FAM89A: variants seen among roughly 807,000 people sequenced by gnomAD.
The protein encoded by FAM89A is family with sequence similarity 89 member A, also known as protein FAM89A.
FAM89A carries 10 observed loss-of-function variants against 7.1 expected under a neutral mutation model. The observed-to-expected ratio is 1.40, with a 90% CI of 0.86 to 2.38. FAM89A has a LOEUF of 2.38. Among genes scored for constraint, FAM89A ranks in the 30% most tolerant of loss-of-function variants. FAM89A has a pLI of 0.00. For synonymous variants in FAM89A, 157 were observed against 129.3 expected, an observed-to-expected ratio of 1.21 and a Z score of -1.45; for missense variants, 276 against 262.8, an observed-to-expected ratio of 1.05 and a Z score of -0.35.
intron 1 of FAM89A, among the ~76,000 whole-genome samples, chr1:231,021,031 C>T (rs1030421412): frequency 1.3e-5 from 2 of 152,106 alleles, no homozygotes; most frequent in Admixed American, 6.6e-5. Flanking sequence ...GAGAACCACC[C>T]GGGGATCTTG....
intron 1 of FAM89A, among the ~76,000 whole-genome samples, chr1:231,036,600 C>T (rs529887198): frequency 6.6e-6 from 1 of 152,034 alleles, no homozygotes; most frequent in East Asian, 1.9e-4. Context: ...GCTGAAACCA[C>T]AACTCTCCAA....
At chr1:231,028,886 G>T (rs765880889) in intron 1 of FAM89A, among the ~76,000 whole-genome samples, 2 of 152,114 alleles carry the variant, frequency 1.3e-5, no homozygotes, top group Non-Finnish European at 2.9e-5. Context: ...CCCAACAATG[G>T]GGCCAAACAA....
intron 1 of FAM89A, among the ~76,000 whole-genome samples, chr1:231,022,434 A>C (rs1219992625): frequency 1.3e-5 from 2 of 152,214 alleles, no homozygotes; most frequent in Non-Finnish European, 2.9e-5. Flanking sequence ...AGTCAGGCAC[A>C]CTGGGAATCG....
chr1:231,020,904 C>G (rs148717879), intron 1 of FAM89A, among the ~76,000 whole-genome samples: 1 of 152,186 alleles, frequency 6.6e-6, no homozygotes, highest in Non-Finnish European at 1.5e-5. Context: ...GAAAAGAGCA[C>G]GGTCACAGTC....
In FAM89A at chr1:231,025,798, T is replaced by G. The variant is rs368707196; in HGVS notation, c.292-5672A>C. 3.3e-5 allele frequency among the ~76,000 whole-genome samples: 5 copies of G among 152,104 alleles called. No individual in the cohort carries two copies. In the East Asian group the frequency reaches 9.7e-4, roughly 29 times the overall value. ...AAAGTCAGTCAGTTTAGGAATTTTC[T>G]ATTGAAAAAATAAATAAATAATACA... On this transcript the variant is annotated intron_variant, in intron 1 of 1. Coordinates refer to ENST00000366654, the MANE Select transcript of FAM89A (RefSeq NM_198552.3).
At chr1:231,023,501 C>T (rs1679915023) in intron 1 of FAM89A, among the ~76,000 whole-genome samples, 2 of 152,204 alleles carry the variant, frequency 1.3e-5, no homozygotes, top group Non-Finnish European at 2.9e-5. Context: ...ACAGCCTTTT[C>T]GTGTGAAACA....
At position 231,040,073 on chromosome 1, in the gene FAM89A, A is replaced by G. The variant is rs1370361554; in HGVS notation, c.139T>C (p.Trp47Arg). Residue 47 changes from tryptophan to arginine, a missense_variant, in exon 1 of 2, where the codon TGG (tryptophan) becomes CGG (arginine). Physicochemically the swap from Trp to Arg is moderately radical, Grantham distance 101. Transcript: ENST00000366654. ...SASGGGASGG[W>R]RHLERLYAQK... ...GCGTACAGCCGCTCCAGGTGCCGCC[A>G]GCCCCCAGACGCGCCGCCGCCCGAC... 4 of 1,445,862 alleles carry G rather than the reference A, an allele frequency of 2.8e-6. No individual in the cohort carries two copies. The highest frequency in any genetic ancestry group is 3.6e-6 in the Non-Finnish European group (4 of 1,102,058). The allele number at this position is 1,445,862 out of a possible 1,614,324, so 89.6% of individuals were successfully genotyped here.
intron 1 of FAM89A, among the ~76,000 whole-genome samples, chr1:231,036,555 A>G (rs1338916562): frequency 2.0e-5 from 3 of 152,054 alleles, no homozygotes; most frequent in Admixed American, 6.5e-5. Context: ...AGAATTTCAC[A>G]GGGGTTACTA....
intron 1 of FAM89A, among the ~76,000 whole-genome samples, chr1:231,037,591 G>A (rs1325656491): frequency 1.3e-5 from 2 of 152,158 alleles, no homozygotes; most frequent in African/African-American, 4.8e-5. Flanking sequence ...GCACCCTGCT[G>A]TAGAATTCAT....
intron 1 of FAM89A, among the ~76,000 whole-genome samples, chr1:231,030,276 C>T (rs967726288): frequency 2.6e-5 from 4 of 152,188 alleles, no homozygotes; most frequent in South Asian, 2.1e-4. Context: ...GAAGATAAAC[C>T]GGGTTGCATG....
At position 231,040,145 on chromosome 1, in the gene FAM89A, C is replaced by A. The variant is rs746989013; in HGVS notation, c.67G>T (p.Gly23Trp). ...AAGCTCTTTGGCAGCGGGGGCAGCC[C>A]GTCCACCCGCAGCCCCCGGACCGCG... The part of the protein sequence containing the change: ...NGAVRGLRVD[G>W]LPPLPKSLSG... Residue 23 changes from glycine (G) to tryptophan (W), a missense_variant, in exon 1 of 2, where the codon GGG becomes TGG. By Grantham distance (184) the Gly-to-Trp change is radical. Coordinates refer to ENST00000366654, the MANE Select transcript of FAM89A (RefSeq NM_198552.3). The A allele has an allele frequency of 7.5e-6, 10 of 1,326,732 alleles. No homozygotes were observed. The Admixed American group carries it at 2.2e-4, about 29-fold the overall frequency. 82.2% of individuals were successfully genotyped at this position (1,326,732 alleles called of 1,614,324 possible).
At chr1:231,023,129 G>A (rs759144908) in intron 1 of FAM89A, among the ~76,000 whole-genome samples, 5 of 152,156 alleles carry the variant, frequency 3.3e-5, no homozygotes, top group Admixed American at 6.5e-5. Flanking sequence ...CTTATCAGCC[G>A]CTCAGTTCCA....
Position 231,019,802 on chromosome 1 carries a change from AATG to A in FAM89A, c.*58_*60del, listed in dbSNP as rs966041162. On this transcript the variant is annotated 3_prime_UTR_variant, in exon 2 of 2. Coordinates refer to ENST00000366654, the MANE Select transcript of FAM89A (RefSeq NM_198552.3). The stretch of plus-strand genomic sequence containing the variant: ...GTGCTTTCTTGCAAGAGAAGCAGCA[AATG>A]ATGACAGCGTGTCCAGTAGGAAGGG... 4 of 1,559,636 alleles carry A rather than the reference AATG, an allele frequency of 2.6e-6. No homozygotes were observed. The highest frequency in any genetic ancestry group is 2.7e-5 in the African/African-American group (2 of 73,620).
At chr1:231,023,175 A>T (rs1679909740) in intron 1 of FAM89A, among the ~76,000 whole-genome samples, 1 of 152,122 alleles carries the variant, frequency 6.6e-6, no homozygotes, top group Non-Finnish European at 1.5e-5. Context: ...CCATGTTCGG[A>T]GAACCTGGCC....
intron 1 of FAM89A, among the ~76,000 whole-genome samples, chr1:231,025,159 T>C (rs1445077435): frequency 6.6e-6 from 1 of 150,994 alleles, no homozygotes; most frequent in Non-Finnish European, 1.5e-5. Flanking sequence ...TCTGACCTTG[T>C]GATCCACCCG....
chr1:231,021,451 A>G (rs890357902), intron 1 of FAM89A, among the ~76,000 whole-genome samples: 2 of 152,250 alleles, frequency 1.3e-5, no homozygotes, highest in Admixed American at 6.5e-5. Flanking sequence ...AACTAGCTCC[A>G]GGACTTTAAA....
intron 1 of FAM89A, among the ~76,000 whole-genome samples, chr1:231,032,899 C>T (rs1274903591): frequency 6.6e-6 from 1 of 152,226 alleles, no homozygotes; most frequent in Admixed American, 6.5e-5. Context: ...TGGTGCCTCC[C>T]TCCCGAATCC....
rs975279968 is a variant in FAM89A at position 231,022,059 on chromosome 1, T to C, written c.292-1933A>G. The C allele has an allele frequency of 1.8e-5, 25 of 1,420,290 alleles. No homozygotes were observed. The Admixed American group carries it at 4.0e-4, about 23-fold the overall frequency. 88.0% of individuals were successfully genotyped at this position (1,420,290 alleles called of 1,614,324 possible). A position where few individuals can be genotyped will look rare whatever the true frequency, so the allele number is the denominator to read the frequency against. ...ATCGTGCAGAATAGACGTCTCATCG[T>C]TTCCACAGAATGTGGCCATGTCTTC... is the stretch of plus-strand genomic sequence containing the variant. On this transcript the variant is annotated intron_variant, in intron 1 of 1. Coordinates refer to ENST00000366654, the MANE Select transcript of FAM89A (RefSeq NM_198552.3).
chr1:231,020,838 A>G (rs906592955), intron 1 of FAM89A, among the ~76,000 whole-genome samples: 2 of 152,192 alleles, frequency 1.3e-5, no homozygotes, highest in African/African-American at 4.8e-5. Context: ...AACATTTATA[A>G]AAGTCATATA....
Sources: gnomAD v4.1 joint callset for allele counts (sites outside exome capture counted in the v4.1 genomes callset) on GRCh38, gnomAD v4.1.1 for gene constraint, MANE v1.5 for transcripts, NCBI Gene and HGNC (gene_info 2026-07-23, HGNC 2026-07-21) for gene names.